STPG2: variants seen among roughly 807,000 people sequenced by gnomAD.
The protein encoded by STPG2 is sperm-tail PG-rich repeat-containing protein 2.
STPG2 carries 56 observed loss-of-function variants against 54.2 expected under a neutral mutation model. That is an observed-to-expected ratio of 1.03 (90% CI 0.83 to 1.29). The LOEUF (loss-of-function observed/expected upper bound fraction) is 1.29. Ranked by LOEUF, STPG2 falls within the 50% of genes most tolerant of loss-of-function variation. The probability of loss-of-function intolerance (pLI) is 0.00; values close to 1 mark genes in which losing one functional copy is unlikely to be tolerated. For missense variants in STPG2, 596 were observed against 544.9 expected (o/e 1.09, Z -0.93); for synonymous variants, 200 against 181.8 (o/e 1.10, Z -0.81).
chr4:97,560,987 AATGGTAT>A (rs1187286621), intron 10 of STPG2, among the ~76,000 whole-genome samples: 1 of 152,154 alleles, frequency 6.6e-6, no homozygotes, highest in African/African-American at 2.4e-5. Context: ...GGCCGGGTCA[AATGGTAT>A]TTCTAGTTCT....
chr4:97,745,710 A>T (rs557065616), intron 9 of STPG2, among the ~76,000 whole-genome samples: 5 of 151,302 alleles, frequency 3.3e-5, no homozygotes, highest in Admixed American at 1.3e-4. Context: ...TTTACATAGG[A>T]CTATATTTTT....
At chr4:98,060,163 A>G (rs1737599445) in intron 5 of STPG2, among the ~76,000 whole-genome samples, 1 of 152,224 alleles carries the variant, frequency 6.6e-6, no homozygotes, top group Non-Finnish European at 1.5e-5. Context: ...TTCTATATCT[A>G]TAAAACCCCA....
chr4:97,981,655 C>CTATA (rs1174160420), intron 5 of STPG2, among the ~76,000 whole-genome samples: 1 of 151,276 alleles, frequency 6.6e-6, no homozygotes, highest in African/African-American at 2.4e-5. Context: ...AAATAAAAAA[C>CTATA]TATATGATCT....
chr4:97,461,752 C>T (rs1027397761), intron 4 of STPG2, among the ~76,000 whole-genome samples: 9 of 152,090 alleles, frequency 5.9e-5, no homozygotes, highest in Non-Finnish European at 1.0e-4. Context: ...ATTTGCATAT[C>T]CTTTTTTCTT....
intron 9 of STPG2, among the ~76,000 whole-genome samples, chr4:97,809,346 AC>A (rs1306936749): frequency 1.3e-5 from 2 of 151,422 alleles, no homozygotes; most frequent in East Asian, 1.9e-4. Context: ...TTCTAAAGAA[AC>A]CCCCCCAAGA....
intron 8 of STPG2, among the ~76,000 whole-genome samples, chr4:97,843,835 C>T (rs1017634423): frequency 2.0e-5 from 3 of 151,850 alleles, no homozygotes; most frequent in Non-Finnish European, 2.9e-5. Flanking sequence ...ATTCTACTTG[C>T]TCAATACCCA....
chr4:97,534,412 C>T (rs1731483718), intron 4 of STPG2, among the ~76,000 whole-genome samples: 2 of 152,054 alleles, frequency 1.3e-5, no homozygotes, highest in South Asian at 4.1e-4. Flanking sequence ...TTACCTTTTA[C>T]ATTTAAGTTT....
intron 10 of STPG2, among the ~76,000 whole-genome samples, chr4:97,566,792 A>G (rs1196563007): frequency 6.6e-6 from 1 of 151,434 alleles, no homozygotes; most frequent in Non-Finnish European, 1.5e-5. Context: ...ACAAGAAACC[A>G]AACACTGCAT....
Position 97,933,191 on chromosome 4 carries a change from C to A in STPG2, c.1044+10706G>T, listed in dbSNP as rs1298528627. Among the ~76,000 whole-genome samples the A allele has an allele frequency of 4.6e-5, 7 of 152,116 alleles. No individual in the cohort carries two copies. In the East Asian group the frequency reaches 1.2e-3, roughly 25 times the overall value. On this transcript the variant is annotated intron_variant, in intron 8 of 10. Coordinates refer to ENST00000295268, the MANE Select transcript of STPG2 (RefSeq NM_174952.3). Reference sequence around the variant, plus strand: ...CTTTTGAGAATTCTCGGTTCATGTCCTTTGCCCACTTTTTGATGGGGTTGT... The same window carrying A: ...CTTTTGAGAATTCTCGGTTCATGTCATTTGCCCACTTTTTGATGGGGTTGT...
At chr4:97,569,917 G>T (rs987535519) in intron 10 of STPG2, among the ~76,000 whole-genome samples, 70 of 152,002 alleles carry the variant, frequency 4.6e-4, no homozygotes, top group African/African-American at 1.6e-3. Context: ...ATCAAAAAGA[G>T]ACAAATAGTA....
rs143653092 is a variant in STPG2, at chr4:98,137,461, T to C, written c.110-3002A>G. Reference sequence around the variant, plus strand: ...GTTTTTGTTTTCCTCTTCCCACTGATGGCAGATCTATTTTTTAACTGAATA... The same window carrying C: ...GTTTTTGTTTTCCTCTTCCCACTGACGGCAGATCTATTTTTTAACTGAATA... On this transcript the variant is annotated intron_variant, in intron 1 of 10. Coordinates refer to ENST00000295268, the MANE Select transcript of STPG2 (RefSeq NM_174952.3). Among the ~76,000 whole-genome samples, 390 of 152,022 alleles carry C rather than the reference T, an allele frequency of 2.6e-3. 1 individual carries two copies. Among genetic ancestry groups the C allele is most frequent in the Non-Finnish European group, 4.9e-3 (332 of 67,778 alleles).
intron 9 of STPG2, among the ~76,000 whole-genome samples, chr4:97,837,285 C>A (rs10018080): frequency 0.24 from 36,755 of 151,474 alleles, 5,244 homozygotes; most frequent in Middle Eastern, 0.36. Context: ...ATTTTGCCAA[C>A]CTGCCCTTAA....
At chr4:98,109,042 TA>T (rs761153846) in intron 4 of STPG2, 150 bp downstream of exon 4, 31 of 457,788 alleles carry the variant, frequency 6.8e-5, no homozygotes, top group Non-Finnish European at 1.0e-4. Context: ...AAAAAATCAA[TA>T]ACTTTCATAT....
intron 5 of STPG2, among the ~76,000 whole-genome samples, chr4:98,030,165 A>G (rs945786239): frequency 8.5e-5 from 13 of 152,228 alleles, no homozygotes; most frequent in African/African-American, 3.1e-4. Flanking sequence ...AATATACCAG[A>G]CTATGTTGTT....
At chr4:97,452,411 G>A (rs1578309563) in intron 4 of STPG2, among the ~76,000 whole-genome samples, 1 of 152,074 alleles carries the variant, frequency 6.6e-6, no homozygotes, top group African/African-American at 2.4e-5. Flanking sequence ...GGCCAGGAAC[G>A]GCCTGAAGGC....
intron 8 of STPG2, among the ~76,000 whole-genome samples, chr4:97,926,192 T>A (rs1419809610): frequency 6.6e-6 from 1 of 152,126 alleles, no homozygotes; most frequent in African/African-American, 2.4e-5. Context: ...GACTTTCAGA[T>A]AGAAAATGAA....
intron 5 of STPG2, among the ~76,000 whole-genome samples, chr4:98,062,151 A>G (rs996030973): frequency 1.3e-5 from 2 of 152,214 alleles, no homozygotes; most frequent in Non-Finnish European, 2.9e-5. Flanking sequence ...TTGTGGGAAC[A>G]TGGATGGAGT....
intron 10 of STPG2, among the ~76,000 whole-genome samples, chr4:97,652,716 A>T (rs1722104941): frequency 6.6e-6 from 1 of 152,028 alleles, no homozygotes; most frequent in Non-Finnish European, 1.5e-5. Flanking sequence ...TTCTTCTATC[A>T]TTAACACCTT....
downstream of STPG2, among the ~76,000 whole-genome samples, chr4:97,557,233 C>T (rs116645222): frequency 5.0e-3 from 750 of 151,368 alleles, 1 homozygote; most frequent in African/African-American, 0.013. Flanking sequence ...CAGCATAAAA[C>T]GAAATTGAAT....
Sources: gnomAD v4.1 joint callset for allele counts (sites outside exome capture counted in the v4.1 genomes callset) on GRCh38, gnomAD v4.1.1 for gene constraint, MANE v1.5 for transcripts, NCBI Gene and HGNC (gene_info 2026-07-23, HGNC 2026-07-21) for gene names.